The following CHD6 variants were observed in gnomAD, a reference collection of about 807,000 sequenced individuals.
The protein encoded by CHD6 is chromodomain helicase DNA binding protein 6.
CHD6 carries 50 observed loss-of-function variants against 276.9 expected under a neutral mutation model. The observed-to-expected ratio is 0.18, with a 90% CI of 0.14 to 0.23. CHD6 has a LOEUF of 0.23. Among genes scored for constraint, CHD6 ranks in the 10% least tolerant of loss-of-function variants. The pLI, the probability that CHD6 is intolerant of heterozygous loss-of-function variation, is 1.00. For missense variants in CHD6, 2,564 were observed against 3,365.8 expected (o/e 0.76, Z 5.89); for synonymous variants, 1,173 against 1,229.3 (o/e 0.95, Z 0.96).
chr20:41,586,664 C>T (rs1464713028), intron 1 of CHD6, among the ~76,000 whole-genome samples: 1 of 152,164 alleles, frequency 6.6e-6, no homozygotes, highest in Non-Finnish European at 1.5e-5. Context: ...CCTAGGAATG[C>T]AAGAGTGAGT....
chr20:41,487,324 C>T (rs2043439856), intron 14 of CHD6, among the ~76,000 whole-genome samples: 1 of 152,116 alleles, frequency 6.6e-6, no homozygotes, highest in Non-Finnish European at 1.5e-5. Context: ...ATGAGGGAAG[C>T]AAAAGAAAGC....
Position 41,544,363 on chromosome 20 carries a change from T to C in CHD6, c.33+6942A>G, listed in dbSNP as rs542298191. The stretch of plus-strand genomic sequence containing the variant: ...TCACTTTGAAGCTGCTTCAAAAACT[T>C]GGTCACCAGAGCTTCCCAGACTCCT... On this transcript the variant is annotated intron_variant, in intron 2 of 36. Coordinates refer to ENST00000373233, the MANE Select transcript of CHD6 (RefSeq NM_032221.5). Among the ~76,000 whole-genome samples the C allele has an allele frequency of 7.6e-4, 115 of 152,296 alleles. 1 individual carries two copies. Among genetic ancestry groups the C allele is most frequent in the African/African-American group, 2.6e-3 (110 of 41,572 alleles).
At position 41,483,413 on chromosome 20, in the gene CHD6, A is replaced by T; in HGVS notation, c.2364T>A (p.Ile788=). 6.2e-7 allele frequency: 1 copy of T among 1,613,828 alleles called. No individual in the cohort carries two copies. Among genetic ancestry groups the T allele is most frequent in the Non-Finnish European group, 8.5e-7 (1 of 1,179,868 alleles). ...MIQAAGKLVL[I]DKLLPKLIAG... is the part of the protein sequence containing the mutation. Reference sequence around the variant, plus strand: ...CAATCAGCTTAGGGAGTAGTTTATCAATCAACACAAGCTTTCCTGCTGCCT... The same window carrying T: ...CAATCAGCTTAGGGAGTAGTTTATCTATCAACACAAGCTTTCCTGCTGCCT... The change falls in exon 16 of 37, where the codon ATT becomes ATA. Residue 788 remains isoleucine (I), a synonymous_variant. Coordinates refer to ENST00000373233, the MANE Select transcript of CHD6 (RefSeq NM_032221.5).
chr20:41,516,595 T>A (rs1199994680), intron 3 of CHD6, among the ~76,000 whole-genome samples: 1 of 151,876 alleles, frequency 6.6e-6, no homozygotes, highest in Admixed American at 6.6e-5. Context: ...CCGAGTGGAG[T>A]CTGTGCTCTT....
In CHD6 at chr20:41,402,925, T is replaced by C. The variant is rs1478991761; in HGVS notation, c.*1668A>G. ...TGGATTCTTCTTCTATGATCAGTTATAGAATTTCTGGTTTATATCTCTGAT... is the reference window on the plus strand; with the variant it reads ...TGGATTCTTCTTCTATGATCAGTTACAGAATTTCTGGTTTATATCTCTGAT... On this transcript the variant is annotated 3_prime_UTR_variant, in exon 37 of 37. Transcript: ENST00000373233. 9.7e-6 allele frequency: 2 copies of C among 206,740 alleles called. No individual in the cohort carries two copies. The highest frequency in any genetic ancestry group is 2.0e-5 in the Non-Finnish European group (2 of 101,108). The allele number at this position is 206,740 out of a possible 1,614,324, so 12.8% of individuals were successfully genotyped here.
At chr20:41,441,354 C>A (rs138453885) in intron 25 of CHD6, among the ~76,000 whole-genome samples, 237 of 152,270 alleles carry the variant, frequency 1.6e-3, no homozygotes, top group African/African-American at 5.3e-3. Flanking sequence ...GGAAGAAGAA[C>A]CACTCTCACC....
Position 41,452,628 on chromosome 20 carries a change from G to T in CHD6, c.3323+112C>A, listed in dbSNP as rs368229204. ...CTCTTGCTCCAACAGATCCCCCTTT[G>T]CCCTATAATTCCAAAGGTGACTGGA... is the stretch of plus-strand genomic sequence containing the variant. On this transcript the variant is annotated intron_variant, in intron 21 of 36. Coordinates refer to ENST00000373233, the MANE Select transcript of CHD6 (RefSeq NM_032221.5). This position sits in a 1 kb window ranked among gnomAD's most constrained non-coding sequence, Gnocchi z 4.2. 1.1e-6 allele frequency: 1 copy of T among 923,872 alleles called. No homozygotes were observed. Among genetic ancestry groups the T allele is most frequent in the Non-Finnish European group, 1.7e-6 (1 of 601,470 alleles). The allele number at this position is 923,872 out of a possible 1,614,324, so 57.2% of individuals were successfully genotyped here.
At chr20:41,617,863 C>A (rs1325773453) in intron 1 of CHD6, among the ~76,000 whole-genome samples, 1 of 151,078 alleles carries the variant, frequency 6.6e-6, no homozygotes, top group East Asian at 2.0e-4. Context: ...AGAGCAACTT[C>A]TCCGCGGGGG....
At position 41,403,160 on chromosome 20, in the gene CHD6, C is replaced by T. The variant is rs2046577276; in HGVS notation, c.*1433G>A. 1.5e-6 allele frequency: 1 copy of T among 649,210 alleles called. No individual in the cohort carries two copies. The highest frequency in any genetic ancestry group is 1.9e-5 in the African/African-American group (1 of 52,454). 40.2% of individuals were successfully genotyped at this position (649,210 alleles called of 1,614,324 possible). A position where few individuals can be genotyped will look rare whatever the true frequency, so the allele number is the denominator to read the frequency against. On this transcript the variant is annotated 3_prime_UTR_variant, in exon 37 of 37. Coordinates refer to ENST00000373233, the MANE Select transcript of CHD6 (RefSeq NM_032221.5). The stretch of plus-strand genomic sequence containing the variant: ...TGGACCTTCTGATAAATTAGCAAAA[C>T]TGTAACAGAAAAAGTAAAAAATACA...
chr20:41,490,413 C>T (rs1294243984), intron 11 of CHD6, among the ~76,000 whole-genome samples: 1 of 152,176 alleles, frequency 6.6e-6, no homozygotes, highest in Non-Finnish European at 1.5e-5. Context: ...CATGTCATTG[C>T]AGTGAATACC....
In CHD6 at chr20:41,421,665, T is replaced by C. The variant is rs777276913; in HGVS notation, c.4970A>G (p.Asn1657Ser). The change falls in exon 31 of 37, where the codon AAT (asparagine) becomes AGT (serine). Residue 1657 changes from asparagine to serine, a missense_variant. Asn to Ser is a conservative substitution (Grantham distance 46). This residue lies in a region of CHD6 where 1,024 missense variants were observed against 1,047.9 expected (regional missense o/e 0.98). Transcript: ENST00000373233. Reference sequence around the variant, plus strand: ...TACTCTCACTAGATTTTCAGGTTCATTTTCAAGGGACTCTGAAGTCCTACT... The same window carrying C: ...TACTCTCACTAGATTTTCAGGTTCACTTTCAAGGGACTCTGAAGTCCTACT... Reference protein sequence around the residue: ...QMSRTSESLENEPENLVRVES... With the variant: ...QMSRTSESLESEPENLVRVES... The C allele has an allele frequency of 6.2e-6, 10 of 1,613,288 alleles. No individual in the cohort carries two copies. The Admixed American group carries it at 1.7e-4, about 27-fold the overall frequency.
chr20:41,477,004 AGGCGGGAGGAT>A (rs2043182670), intron 16 of CHD6, among the ~76,000 whole-genome samples: 1 of 152,048 alleles, frequency 6.6e-6, no homozygotes, highest in Non-Finnish European at 1.5e-5. Flanking sequence ...TGGGAGGCCA[AGGCGGGAGGAT>A]GACTTGAGGC....
At position 41,421,397 on chromosome 20, in the gene CHD6, C is replaced by T. The variant is rs761380253; in HGVS notation, c.5238G>A (p.Gln1746=). The change falls in exon 31 of 37, where the codon CAG becomes CAA. Residue 1746 remains glutamine, a synonymous_variant. Coordinates refer to ENST00000373233, the MANE Select transcript of CHD6 (RefSeq NM_032221.5). ...CTATTTCTGCCTCAGGGCCACCAGA[C>T]TGGCAGTTCCCATCTTTGCTTATTG... ...TISISKDGNC[Q]SGGPEAEIAS... 1.9e-6 allele frequency: 3 copies of T among 1,614,182 alleles called. No individual in the cohort carries two copies. The highest frequency in any genetic ancestry group is 2.5e-6 in the Non-Finnish European group (3 of 1,180,012).
In CHD6 at chr20:41,421,628, A is replaced by T. The variant is rs147748236; in HGVS notation, c.5007T>A (p.Asp1669Glu). The change falls in exon 31 of 37, where the codon GAT becomes GAA. Residue 1669 changes from aspartate to glutamate, a missense_variant. Physicochemically the swap from Asp to Glu is conservative, Grantham distance 45 (BLOSUM62 2). This residue lies in a region of CHD6 where 1,024 missense variants were observed against 1,047.9 expected (regional missense o/e 0.98). Coordinates refer to ENST00000373233, the MANE Select transcript of CHD6 (RefSeq NM_032221.5). ...PENLVRVESR[D>E]DHLSLPDVTC... ...TCACATCAGGCAGGCTGAGATGATC[A>T]TCTCTGCTTTCTACTCTCACTAGAT... 1 of 1,613,928 alleles carries T rather than the reference A, an allele frequency of 6.2e-7. No individual in the cohort carries two copies. Among genetic ancestry groups the T allele is most frequent in the African/African-American group, 1.3e-5 (1 of 75,028 alleles).
chr20:41,546,302 G>C (rs1054313512), intron 2 of CHD6, among the ~76,000 whole-genome samples: 2 of 152,100 alleles, frequency 1.3e-5, no homozygotes, highest in Non-Finnish European at 2.9e-5. Context: ...TAAGAATGAA[G>C]GGCTCTGCTT....
intron 1 of CHD6, among the ~76,000 whole-genome samples, chr20:41,591,143 T>C (rs1247135284): frequency 2.2e-5 from 3 of 138,550 alleles, no homozygotes; most frequent in Admixed American, 8.4e-5. Flanking sequence ...TTCTCACTCA[T>C]AGGTGGGAAT....
chr20:41,544,978 C>T (rs1182224822), intron 2 of CHD6, among the ~76,000 whole-genome samples: 1 of 152,096 alleles, frequency 6.6e-6, no homozygotes, highest in Non-Finnish European at 1.5e-5. Flanking sequence ...TGCTTTCTAA[C>T]ATACAAGCAA....
At chr20:41,414,907 G>A in intron 34 of CHD6, 1 of 1,292,904 alleles carries the variant, frequency 7.7e-7, no homozygotes, top group Non-Finnish European at 9.8e-7. Flanking sequence ...CGTCAACAGT[G>A]GCTCTTCTGA....
intron 16 of CHD6, among the ~76,000 whole-genome samples, chr20:41,481,091 C>T (rs897755758): frequency 2.7e-5 from 4 of 150,530 alleles, no homozygotes; most frequent in East Asian, 2.0e-4. Context: ...GGTGACAGAG[C>T]GAGACATTGT....
Sources: allele counts gnomAD v4.1 joint callset (sites outside exome capture counted in the v4.1 genomes callset), GRCh38; gene constraint gnomAD v4.1.1; regional missense constraint gnomAD v4.1.1; non-coding constraint Gnocchi (gnomAD v3.1); transcripts MANE v1.5; gene names NCBI Gene and HGNC (gene_info 2026-07-23, HGNC 2026-07-21).